Variants in EPHA6 observed in about 807,000 individuals in gnomAD.
EPHA6 encodes the protein EPH receptor A6.
Under a neutral mutation model 112.0 loss-of-function variants are expected in EPHA6, and 50 were observed. The observed-to-expected ratio is 0.45, with a 90% CI of 0.36 to 0.56. The LOEUF (loss-of-function observed/expected upper bound fraction) is 0.56, where lower values mean the gene tolerates loss of function less well. Among genes scored for constraint, EPHA6 ranks in the 20% least tolerant of loss-of-function variants. EPHA6 has a pLI of 0.00. For missense variants in EPHA6, 1,280 were observed against 1,417.4 expected, an observed-to-expected ratio of 0.90 and a Z score of 1.56; for synonymous variants, 529 against 490.7, an observed-to-expected ratio of 1.08 and a Z score of -1.03.
rs573346557 is a variant in EPHA6 at position 97,752,415 on chromosome 3, G to T, written c.*3714G>T. The T allele has an allele frequency of 4.0e-5, 9 of 224,074 alleles. No individual in the cohort carries two copies. The Admixed American group carries it at 5.1e-4, about 13-fold the overall frequency. 13.9% of individuals were successfully genotyped at this position (224,074 alleles called of 1,614,324 possible). A position where few individuals can be genotyped will look rare whatever the true frequency, so the allele number is the denominator to read the frequency against. On this transcript the variant is annotated 3_prime_UTR_variant, in exon 18 of 18. Coordinates refer to ENST00000389672, the MANE Select transcript of EPHA6 (RefSeq NM_001080448.3). ...TCTCTCATTTCATAATTTTCACTGTGCTAGTTCTTTCTTTTCTCCTCTTTT... is the reference window on the plus strand; with the variant it reads ...TCTCTCATTTCATAATTTTCACTGTTCTAGTTCTTTCTTTTCTCCTCTTTT...
At chr3:97,084,662 A>G (rs947723872) in intron 3 of EPHA6, among the ~76,000 whole-genome samples, 1 of 152,122 alleles carries the variant, frequency 6.6e-6, no homozygotes, top group African/African-American at 2.4e-5. Flanking sequence ...AGCCACAAAA[A>G]GAGTAAAATA....
intron 2 of EPHA6, among the ~76,000 whole-genome samples, 155 bp from the exon 3 acceptor site, chr3:96,987,175 T>C (rs969507589): frequency 6.6e-6 from 1 of 152,230 alleles, no homozygotes; most frequent in Non-Finnish European, 1.5e-5. Flanking sequence ...TAAAGGCTCA[T>C]GGTTAAAATG....
chr3:97,172,460 C>G (rs1306406913), intron 3 of EPHA6, among the ~76,000 whole-genome samples: 1 of 152,048 alleles, frequency 6.6e-6, no homozygotes, highest in East Asian at 1.9e-4. Flanking sequence ...TCAAGCAAAA[C>G]TATCTAATTG....
chr3:97,677,722 A>C (rs1250684249), intron 14 of EPHA6, among the ~76,000 whole-genome samples: 2 of 66,344 alleles, frequency 3.0e-5, no homozygotes, highest in Non-Finnish European at 6.6e-5. Context: ...ACTCCATCTT[A>C]AAAAAAAAAA....
chr3:97,510,206 T>C (rs1291657216), intron 10 of EPHA6, among the ~76,000 whole-genome samples: 2 of 152,232 alleles, frequency 1.3e-5, no homozygotes, highest in Non-Finnish European at 2.9e-5. Context: ...GTCAAACTTA[T>C]TCTGCATCCA....
intron 3 of EPHA6, among the ~76,000 whole-genome samples, chr3:97,046,602 A>G (rs2108070821): frequency 6.6e-6 from 1 of 152,306 alleles, no homozygotes; most frequent in Admixed American, 6.5e-5. Flanking sequence ...AGATATTATT[A>G]TCTGTGTAGA....
intron 5 of EPHA6, among the ~76,000 whole-genome samples, chr3:97,399,817 T>C (rs2086888223): frequency 6.6e-6 from 1 of 151,668 alleles, no homozygotes; most frequent in Non-Finnish European, 1.5e-5. Flanking sequence ...TTGAGTTCCA[T>C]GTATAGTCCT....
At chr3:96,859,767 G>A (rs2035904950) in intron 1 of EPHA6, among the ~76,000 whole-genome samples, 1 of 151,964 alleles carries the variant, frequency 6.6e-6, no homozygotes, top group Non-Finnish European at 1.5e-5. Flanking sequence ...TTAGTCCTTG[G>A]CACATTTATG....
At chr3:97,231,788 C>T (rs895145066) in intron 4 of EPHA6, among the ~76,000 whole-genome samples, 1 of 152,122 alleles carries the variant, frequency 6.6e-6, no homozygotes, top group Non-Finnish European at 1.5e-5. Flanking sequence ...AGGAGCTGCC[C>T]TCAGAAGAAT....
chr3:97,153,459 C>T (rs976288922), intron 3 of EPHA6, among the ~76,000 whole-genome samples: 5 of 152,018 alleles, frequency 3.3e-5, no homozygotes, highest in African/African-American at 7.2e-5. Context: ...GCCTTTGAAA[C>T]GTTTTCTGAA....
intron 5 of EPHA6, among the ~76,000 whole-genome samples, chr3:97,399,525 A>C (rs2086869934): frequency 6.6e-6 from 1 of 151,634 alleles, no homozygotes; most frequent in African/African-American, 2.4e-5. Context: ...ATTTTTCATA[A>C]TGACTGCACT....
At chr3:97,605,908 C>A (rs756603144) in intron 12 of EPHA6, among the ~76,000 whole-genome samples, 1 of 151,300 alleles carries the variant, frequency 6.6e-6, no homozygotes, top group African/African-American at 2.4e-5. Flanking sequence ...CATTTCATTT[C>A]TGATTTATTT....
intron 10 of EPHA6, among the ~76,000 whole-genome samples, chr3:97,496,046 G>A (rs1385600931): frequency 6.6e-6 from 1 of 152,102 alleles, no homozygotes; most frequent in African/African-American, 2.4e-5. Flanking sequence ...TTTGAAAGAC[G>A]GACACAGCAG....
intron 3 of EPHA6, among the ~76,000 whole-genome samples, chr3:97,015,761 A>G (rs1192415072): frequency 6.6e-6 from 1 of 152,188 alleles, no homozygotes; most frequent in African/African-American, 2.4e-5. Context: ...GCAGCTCCCC[A>G]CATATTTGAC....
intron 5 of EPHA6, among the ~76,000 whole-genome samples, chr3:97,372,755 A>T (rs2085132833): frequency 6.6e-6 from 1 of 152,138 alleles, no homozygotes. Context: ...TACATAATAC[A>T]ATATATATTA....
intron 10 of EPHA6, among the ~76,000 whole-genome samples, chr3:97,493,566 TG>T (rs2091903793): frequency 6.6e-6 from 1 of 152,064 alleles, no homozygotes; most frequent in Non-Finnish European, 1.5e-5. Context: ...GTCCAGATGC[TG>T]TCACATTGAG....
At chr3:96,949,910 C>A (rs1443151244) in intron 2 of EPHA6, among the ~76,000 whole-genome samples, 1 of 151,992 alleles carries the variant, frequency 6.6e-6, no homozygotes. Context: ...AATTGACTAC[C>A]GAAAATTAAA....
At chr3:97,528,270 G>A (rs1213449488) in intron 10 of EPHA6, among the ~76,000 whole-genome samples, 2 of 152,072 alleles carry the variant, frequency 1.3e-5, no homozygotes, top group Non-Finnish European at 2.9e-5. Flanking sequence ...TGAGAGCTGG[G>A]CCAACTTCCA....
At chr3:97,601,776 T>C (rs942507538) in intron 12 of EPHA6, among the ~76,000 whole-genome samples, 1 of 152,114 alleles carries the variant, frequency 6.6e-6, no homozygotes, top group Non-Finnish European at 1.5e-5. Context: ...ACAAATATTT[T>C]TGCCATTATA....
Sources: gnomAD v4.1 joint callset for allele counts (sites outside exome capture counted in the v4.1 genomes callset) on GRCh38, gnomAD v4.1.1 for gene constraint, MANE v1.5 for transcripts, NCBI Gene and HGNC (gene_info 2026-07-23, HGNC 2026-07-21) for gene names.